RETREG1: variants seen among roughly 807,000 people sequenced by gnomAD.
RETREG1 encodes the protein family with sequence similarity 134 member B.
A neutral mutation model predicts 54.8 loss-of-function variants in RETREG1; 44 were observed. That is an observed-to-expected ratio of 0.80 (90% CI 0.63 to 1.03). The LOEUF (loss-of-function observed/expected upper bound fraction) is 1.03. Among genes scored for constraint, RETREG1 ranks in the 50% least tolerant of loss-of-function variants. The pLI is 0.00. For missense variants in RETREG1, 554 were observed against 605.1 expected (o/e 0.92, Z 0.89); for synonymous variants, 217 against 238.5 (o/e 0.91, Z 0.83).
chr5:16,562,417 C>G (rs976286063), intron 3 of RETREG1, among the ~76,000 whole-genome samples: 2 of 152,174 alleles, frequency 1.3e-5, no homozygotes, highest in African/African-American at 4.8e-5. Context: ...AAACTGCCAG[C>G]CCTGAGGTGG....
chr5:16,488,822 C>G (rs1419626596), intron 3 of RETREG1, among the ~76,000 whole-genome samples: 1 of 151,974 alleles, frequency 6.6e-6, no homozygotes, highest in Non-Finnish European at 1.5e-5. Flanking sequence ...TGGTGGCTCA[C>G]GCCTATAATC....
intron 3 of RETREG1, among the ~76,000 whole-genome samples, chr5:16,492,163 T>C (rs1156923756): frequency 6.6e-6 from 1 of 151,060 alleles, no homozygotes; most frequent in Non-Finnish European, 1.5e-5. Flanking sequence ...GTAGGGCAAC[T>C]GCACCCCGCT....
At chr5:16,563,204 A>T (rs534647807) in intron 3 of RETREG1, among the ~76,000 whole-genome samples, 5 of 152,116 alleles carry the variant, frequency 3.3e-5, no homozygotes, top group African/African-American at 1.2e-4. Flanking sequence ...GTTAGCAGGA[A>T]TCACTCCTCA....
Position 16,614,199 on chromosome 5 carries a change from T to C in RETREG1, c.320+2453A>G, listed in dbSNP as rs139085552. 8.4e-3 allele frequency among the ~76,000 whole-genome samples: 1,276 copies of C among 152,254 alleles called. 20 individuals are homozygous for C. The highest frequency in any genetic ancestry group is 0.028 in the African/African-American group (1,148 of 41,536). On this transcript the variant is annotated intron_variant, in intron 1 of 8. Transcript: ENST00000306320. ...ACTATCAAATATGCCTTTCAATTAT[T>C]TTATGCAAAAACATTATTTTCAATA... is the stretch of plus-strand genomic sequence containing the variant.
chr5:16,517,303 C>G (rs923274054), intron 3 of RETREG1, among the ~76,000 whole-genome samples: 35 of 152,166 alleles, frequency 2.3e-4, no homozygotes, highest in African/African-American at 7.0e-4. Context: ...GAAGCAGAGG[C>G]TAGAAACTTG....
chr5:16,596,294 T>C (rs1284797487), intron 1 of RETREG1, among the ~76,000 whole-genome samples: 1 of 152,224 alleles, frequency 6.6e-6, no homozygotes, highest in Non-Finnish European at 1.5e-5. Flanking sequence ...GACTAGTGCC[T>C]TCAAAGAACT....
intron 3 of RETREG1, among the ~76,000 whole-genome samples, chr5:16,551,152 T>C (rs1005701194): frequency 5.9e-5 from 9 of 152,188 alleles, no homozygotes; most frequent in Admixed American, 3.3e-4. Flanking sequence ...CTGTTTCATT[T>C]TTCTCCATTC....
intron 1 of RETREG1, among the ~76,000 whole-genome samples, chr5:16,573,735 GTTTTTTGTTTT>G (rs1742248942): frequency 8.2e-6 from 1 of 122,104 alleles, no homozygotes; most frequent in South Asian, 2.6e-4. Context: ...GGGTTTGTTT[GTTTTTTGTTTT>G]TTTTTTTTTT....
At chr5:16,573,669 G>T (rs1045204300) in intron 1 of RETREG1, among the ~76,000 whole-genome samples, 2 of 151,800 alleles carry the variant, frequency 1.3e-5, no homozygotes, top group Non-Finnish European at 2.9e-5. Flanking sequence ...ACAGGGAGAG[G>T]GAGGATGGAT....
At chr5:16,490,346 C>T (rs577420747) in intron 3 of RETREG1, among the ~76,000 whole-genome samples, 55 of 152,180 alleles carry the variant, frequency 3.6e-4, no homozygotes, top group East Asian at 1.4e-3. Context: ...TATGAATAAA[C>T]GTAACTATTA....
intron 3 of RETREG1, chr5:16,508,839 G>T (rs1473961998): frequency 7.0e-7 from 1 of 1,423,022 alleles, no homozygotes; most frequent in Non-Finnish European, 9.2e-7. Context: ...GAAGCTAGGA[G>T]CTGGGTTATT....
At chr5:16,558,516 A>G (rs1387967979) in intron 3 of RETREG1, among the ~76,000 whole-genome samples, 1 of 152,220 alleles carries the variant, frequency 6.6e-6, no homozygotes, top group Admixed American at 6.5e-5. Flanking sequence ...TCACAGCAAG[A>G]TTTTCTTTTA....
In RETREG1 at chr5:16,585,746, A is replaced by G. The variant is rs551527668; in HGVS notation, c.321-13644T>C. On this transcript the variant is annotated intron_variant, in intron 1 of 8. Transcript: ENST00000306320. This position sits in a 1 kb window ranked among gnomAD's most constrained non-coding sequence, Gnocchi z 4.5. ...GGGGTCAGCATCTGCTCGGCTTCTC[A>G]TGAGGCCTCAGAAAGCTTATGATCA... Among the ~76,000 whole-genome samples the G allele has an allele frequency of 1.3e-5, 2 of 152,258 alleles. No individual in the cohort carries two copies. Among genetic ancestry groups the G allele is most frequent in the Admixed American group, 1.3e-4 (2 of 15,296 alleles).
chr5:16,533,147 C>T (rs1015247320), intron 3 of RETREG1, among the ~76,000 whole-genome samples: 1 of 152,090 alleles, frequency 6.6e-6, no homozygotes, highest in Non-Finnish European at 1.5e-5. Context: ...CGGGTTCACG[C>T]CATTCTCCTG....
chr5:16,506,601 G>A lies in RETREG1; in HGVS notation c.459-23129C>T, dbSNP rs553942373. 7.7e-4 allele frequency among the ~76,000 whole-genome samples: 117 copies of A among 151,916 alleles called. No homozygotes were observed. In the South Asian group the frequency reaches 0.024, roughly 31 times the overall value. ...TGATCCACCTCAGCACCCCTGGCTG[G>A]TCTCAAACCCTTGGACCCAAGGGAT... On this transcript the variant is annotated intron_variant, in intron 3 of 8. Coordinates refer to ENST00000306320, the MANE Select transcript of RETREG1 (RefSeq NM_001034850.3).
At chr5:16,477,189 T>C (rs925104204) in intron 8 of RETREG1, among the ~76,000 whole-genome samples, 7 of 152,188 alleles carry the variant, frequency 4.6e-5, no homozygotes, top group Non-Finnish European at 7.4e-5. Flanking sequence ...TTCCTCATAC[T>C]TTTTAAAAAA....
chr5:16,614,940 A>T (rs1271598412), intron 1 of RETREG1, among the ~76,000 whole-genome samples: 1 of 152,220 alleles, frequency 6.6e-6, no homozygotes, highest in Non-Finnish European at 1.5e-5. Flanking sequence ...ATCTGGAAAG[A>T]GACACAGGAA....
chr5:16,502,180 G>A (rs185358780), intron 3 of RETREG1, among the ~76,000 whole-genome samples: 82 of 151,066 alleles, frequency 5.4e-4, no homozygotes, highest in African/African-American at 1.7e-3. Flanking sequence ...GGATGGTCTC[G>A]ATCTCCTGAT....
At chr5:16,498,702 A>G (rs574444033) in intron 3 of RETREG1, among the ~76,000 whole-genome samples, 1 of 152,262 alleles carries the variant, frequency 6.6e-6, no homozygotes, top group African/African-American at 2.4e-5. Context: ...ACACAGAGAG[A>G]CCCTGTCTCA....
Sources: gnomAD v4.1 joint callset for allele counts (sites outside exome capture counted in the v4.1 genomes callset) on GRCh38, gnomAD v4.1.1 for gene constraint, Gnocchi (gnomAD v3.1) non-coding constraint, MANE v1.5 for transcripts, NCBI Gene and HGNC (gene_info 2026-07-23, HGNC 2026-07-21) for gene names.